Variants in DOCK3 observed in about 807,000 individuals in gnomAD.
The protein encoded by DOCK3 is dedicator of cytokinesis 3.
Under a neutral mutation model 265.6 loss-of-function variants are expected in DOCK3, and 60 were observed. The observed-to-expected ratio is 0.23, with a 90% confidence interval of 0.18 to 0.28. The LOEUF (loss-of-function observed/expected upper bound fraction) is 0.28, where lower values mean the gene tolerates loss of function less well. Ranked by LOEUF, DOCK3 falls within the 10% of genes least tolerant of loss-of-function variation. The pLI, the probability that DOCK3 is intolerant of heterozygous loss-of-function variation, is 1.00. For synonymous variants in DOCK3, 881 were observed against 938.0 expected, an observed-to-expected ratio of 0.94 and a Z score of 1.11; for missense variants, 1,981 against 2,594.3, an observed-to-expected ratio of 0.76 and a Z score of 5.14.
intron 4 of DOCK3, among the ~76,000 whole-genome samples, chr3:50,923,512 C>T (rs1353807797): frequency 1.2e-4 from 18 of 152,188 alleles, no homozygotes; most frequent in South Asian, 4.1e-4. Context: ...TATAATGTTT[C>T]TCTTTTGCTC....
intron 9 of DOCK3, among the ~76,000 whole-genome samples, chr3:51,129,164 T>C (rs1159030262): frequency 6.6e-6 from 1 of 152,250 alleles, no homozygotes; most frequent in Non-Finnish European, 1.5e-5. Flanking sequence ...CATCTGGCCA[T>C]TTCTCCTTCC....
chr3:51,375,153 C>G (rs1437562486), intron 50 of DOCK3, among the ~76,000 whole-genome samples: 1 of 152,214 alleles, frequency 6.6e-6, no homozygotes, highest in African/African-American at 2.4e-5. Context: ...CCCTGCCCTT[C>G]TATCAGGGTC....
chr3:50,834,075 C>T (rs1576587769), intron 2 of DOCK3, among the ~76,000 whole-genome samples: 1 of 151,784 alleles, frequency 6.6e-6, no homozygotes, highest in East Asian at 1.9e-4. Flanking sequence ...ATGCAGTTAA[C>T]TCCTCTTCTG....
intron 1 of DOCK3, among the ~76,000 whole-genome samples, chr3:50,697,487 A>T (rs1197609620): frequency 6.6e-6 from 1 of 152,118 alleles, no homozygotes; most frequent in Non-Finnish European, 1.5e-5. Context: ...GCTACTTGGG[A>T]GGCTGAGGCA....
intron 5 of DOCK3, among the ~76,000 whole-genome samples, chr3:50,955,550 G>A (rs574307471): frequency 6.6e-6 from 1 of 152,298 alleles, no homozygotes; most frequent in Admixed American, 6.5e-5. Flanking sequence ...GGATGGAGCT[G>A]TAAGTTATTA....
chr3:51,266,459 T>A (rs1160547220), intron 23 of DOCK3, among the ~76,000 whole-genome samples: 14 of 152,178 alleles, frequency 9.2e-5, no homozygotes, highest in African/African-American at 3.4e-4. Context: ...CAAAACAGTA[T>A]GGTACTGGTA....
chr3:50,822,349 A>G (rs145273514), intron 2 of DOCK3, among the ~76,000 whole-genome samples: 99 of 152,078 alleles, frequency 6.5e-4, no homozygotes, highest in African/African-American at 2.4e-3. Flanking sequence ...ATTTTTGTAC[A>G]TCGATTTTGT....
At chr3:51,249,874 C>T (rs909489232) in intron 22 of DOCK3, among the ~76,000 whole-genome samples, 1 of 147,114 alleles carries the variant, frequency 6.8e-6, no homozygotes, top group African/African-American at 2.5e-5. Flanking sequence ...CGGATGGTTG[C>T]CGTGTCTGTG....
At chr3:50,787,780 C>T in intron 2 of DOCK3, 2 of 1,128,606 alleles carry the variant, frequency 1.8e-6, no homozygotes, top group South Asian at 2.4e-5. Flanking sequence ...ATCATTCTCT[C>T]CATAGTCATT....
At chr3:51,148,023 G>A (rs1216051994) in intron 10 of DOCK3, among the ~76,000 whole-genome samples, 10 of 152,126 alleles carry the variant, frequency 6.6e-5, no homozygotes, top group Admixed American at 5.2e-4. Context: ...ACTTTTTAAT[G>A]ATTGCCATTC....
chr3:50,982,726 G>A (rs1246782326), intron 5 of DOCK3, among the ~76,000 whole-genome samples: 1 of 152,196 alleles, frequency 6.6e-6, no homozygotes, highest in Non-Finnish European at 1.5e-5. Flanking sequence ...CGGGGTCACT[G>A]CAGTGGGGCT....
At chr3:50,785,939 C>CT (rs1198556903) in intron 2 of DOCK3, among the ~76,000 whole-genome samples, 1 of 151,044 alleles carries the variant, frequency 6.6e-6, no homozygotes, top group Non-Finnish European at 1.5e-5. Context: ...TGGTCCTGGA[C>CT]TTTTTTTGTT....
chr3:50,795,692 A>T (rs571060489), intron 2 of DOCK3, among the ~76,000 whole-genome samples: 1 of 152,028 alleles, frequency 6.6e-6, no homozygotes, highest in Admixed American at 6.5e-5. Context: ...GTTCCTTTTC[A>T]TTCTTTTTCT....
intron 9 of DOCK3, among the ~76,000 whole-genome samples, chr3:51,139,260 G>GGC (rs2084940577): frequency 1.3e-5 from 2 of 150,474 alleles, no homozygotes; most frequent in African/African-American, 4.9e-5. Context: ...GCAGTGGGGG[G>GGC]AGGGCTAAGA....
At chr3:50,811,877 A>G (rs746499510) in intron 2 of DOCK3, among the ~76,000 whole-genome samples, 3 of 152,256 alleles carry the variant, frequency 2.0e-5, no homozygotes, top group Non-Finnish European at 2.9e-5. Flanking sequence ...CTAGTAAAAA[A>G]GTAGTTAACT....
At chr3:51,040,419 T>A (rs1227616529) in intron 5 of DOCK3, among the ~76,000 whole-genome samples, 1 of 152,180 alleles carries the variant, frequency 6.6e-6, no homozygotes, top group Non-Finnish European at 1.5e-5. Context: ...ACCTTAATTT[T>A]AAAATACTTT....
At chr3:50,822,712 C>G (rs1490755136) in intron 2 of DOCK3, among the ~76,000 whole-genome samples, 1 of 152,040 alleles carries the variant, frequency 6.6e-6, no homozygotes, top group East Asian at 1.9e-4. Flanking sequence ...AGGCTGGTAC[C>G]ATACTCCTGG....
intron 38 of DOCK3, among the ~76,000 whole-genome samples, chr3:51,347,733 A>G (rs2085688076): frequency 6.6e-6 from 1 of 152,178 alleles, no homozygotes; most frequent in Non-Finnish European, 1.5e-5. Context: ...CTTGGGCAGT[A>G]TGGCCATTTT....
intron 1 of DOCK3, among the ~76,000 whole-genome samples, chr3:50,762,312 A>G (rs936734826): frequency 9.9e-5 from 15 of 152,166 alleles, no homozygotes; most frequent in Non-Finnish European, 2.9e-5. Context: ...TAAATTGGAA[A>G]GAAGCCCCAG....
Sources: gnomAD v4.1 joint callset for allele counts (sites outside exome capture counted in the v4.1 genomes callset) on GRCh38, gnomAD v4.1.1 for gene constraint, MANE v1.5 for transcripts, NCBI Gene and HGNC (gene_info 2026-07-23, HGNC 2026-07-21) for gene names.